Variants in UBXN7 observed in about 807,000 individuals in gnomAD.
UBXN7 encodes UBX domain protein 7.
In UBXN7, 9 loss-of-function variants were observed where a neutral mutation model predicts 58.0. That is an observed-to-expected ratio of 0.16 (90% CI 0.09 to 0.27). UBXN7 has a LOEUF of 0.27. Among genes scored for constraint, UBXN7 ranks in the 10% least tolerant of loss-of-function variants. The pLI, the probability that UBXN7 is intolerant of heterozygous loss-of-function variation, is 1.00. For missense variants in UBXN7, 328 were observed against 599.6 expected (o/e 0.55, Z 4.73); for synonymous variants, 208 against 205.0 (o/e 1.01, Z -0.12).
intron 1 of UBXN7, among the ~76,000 whole-genome samples, chr3:196,420,323 A>G: frequency 6.6e-6 from 1 of 152,084 alleles, no homozygotes; most frequent in East Asian, 1.9e-4. Flanking sequence ...ACCTGAAGTC[A>G]GAAGTTTGAG....
At position 196,382,912 on chromosome 3, in the gene UBXN7, G is replaced by A. The variant is rs553632377; in HGVS notation, c.468+8901C>T. ...AGGCAGATCACGAGGTCAGGAGATC[G>A]AGACCATCCTGGCTAACACGGTGAA... On this transcript the variant is annotated intron_variant, in intron 5 of 10. Transcript: ENST00000296328. Among the ~76,000 whole-genome samples the A allele has an allele frequency of 9.9e-5, 15 of 152,158 alleles. No individual in the cohort carries two copies. The East Asian group carries it at 1.7e-3, about 18-fold the overall frequency.
chr3:196,408,777 T>C (rs989476900), intron 1 of UBXN7, among the ~76,000 whole-genome samples: 2 of 152,208 alleles, frequency 1.3e-5, no homozygotes, highest in African/African-American at 4.8e-5. Flanking sequence ...GGGAAATCAG[T>C]TGCCAGACTA....
At chr3:196,376,545 C>CAAA (rs777458391) in intron 5 of UBXN7, among the ~76,000 whole-genome samples, 6,074 of 50,846 alleles carry the variant, frequency 0.12, 607 homozygotes, top group South Asian at 0.2. Context: ...GACTCTGTCT[C>CAAA]AAAAAAAAAA....
intron 1 of UBXN7, among the ~76,000 whole-genome samples, chr3:196,415,763 A>G (rs1028297251): frequency 6.6e-6 from 1 of 150,774 alleles, no homozygotes; most frequent in Admixed American, 6.6e-5. Flanking sequence ...GCCTGGTGAC[A>G]GAGCGAGACT....
chr3:196,386,513 CAA>C (rs1265328004), intron 5 of UBXN7, among the ~76,000 whole-genome samples: 2 of 151,430 alleles, frequency 1.3e-5, no homozygotes, highest in Admixed American at 1.3e-4. Context: ...GCAACTTCAG[CAA>C]AGTCTTAGGA....
chr3:196,375,859 T>A (rs758088901), intron 5 of UBXN7, among the ~76,000 whole-genome samples: 4 of 152,076 alleles, frequency 2.6e-5, no homozygotes, highest in African/African-American at 4.8e-5. Flanking sequence ...CGAAACCCCA[T>A]CTCTACTAAC....
At position 196,357,429 on chromosome 3, in the gene UBXN7, G is replaced by GGCTAA. The variant is rs573018967; in HGVS notation, c.1309-588_1309-584dup. Among the ~76,000 whole-genome samples the GGCTAA allele has an allele frequency of 4.3e-3, 651 of 152,288 alleles. 20 individuals carry two copies. In the South Asian group the frequency reaches 0.075, roughly 18 times the overall value. ...GCCTGACGCAAGGGATTCATTCACA[G>GGCTAA]GCTAAGCTAAGCTAAGCTAGTCAGA... is the stretch of plus-strand genomic sequence containing the variant. On this transcript the variant is annotated intron_variant, in intron 10 of 10. Transcript: ENST00000296328.
At chr3:196,418,057 G>A (rs1212364947) in intron 1 of UBXN7, among the ~76,000 whole-genome samples, 6 of 152,074 alleles carry the variant, frequency 3.9e-5, no homozygotes, top group Middle Eastern at 3.4e-3. Context: ...TGACCAACAT[G>A]TGAAACCCTG....
intron 10 of UBXN7, among the ~76,000 whole-genome samples, chr3:196,360,387 A>C (rs1316497200): frequency 6.6e-6 from 1 of 152,248 alleles, no homozygotes; most frequent in Non-Finnish European, 1.5e-5. Flanking sequence ...GGGGTAATGC[A>C]GCTGGTGACT....
intron 8 of UBXN7, among the ~76,000 whole-genome samples, chr3:196,367,473 A>G (rs1313906932): frequency 2.0e-5 from 3 of 152,228 alleles, no homozygotes; most frequent in Non-Finnish European, 4.4e-5. Context: ...GCAAAAACAA[A>G]AAACACCACT....
chr3:196,372,155 A>G lies in UBXN7; in HGVS notation c.469-113T>C, dbSNP rs938341042. On this transcript the variant is annotated intron_variant, in intron 5 of 10. Transcript: ENST00000296328. ...ATTAAAAATACTAAGTTTTTGCCAG[A>G]TACGACATCTAGAGTTTTCAGCATT... 11 of 1,188,012 alleles carry G rather than the reference A, an allele frequency of 9.3e-6. No homozygotes were observed. In the East Asian group the frequency reaches 2.1e-4, roughly 22 times the overall value. 73.6% of individuals were successfully genotyped at this position (1,188,012 alleles called of 1,614,324 possible).
intron 8 of UBXN7, among the ~76,000 whole-genome samples, chr3:196,363,253 T>A (rs1391041212): frequency 6.8e-6 from 1 of 147,246 alleles, no homozygotes; most frequent in Non-Finnish European, 1.5e-5. Flanking sequence ...CATACATAAA[T>A]ATATATATAC....
At chr3:196,418,875 T>G (rs906306515) in intron 1 of UBXN7, among the ~76,000 whole-genome samples, 1 of 152,230 alleles carries the variant, frequency 6.6e-6, no homozygotes, top group Non-Finnish European at 1.5e-5. Context: ...AGGGAAAGAC[T>G]ACTTTGCCAT....
rs376409140 is a variant in UBXN7 at position 196,428,383 on chromosome 3, G to A, written c.73+3944C>T. On this transcript the variant is annotated intron_variant, in intron 1 of 10. Coordinates refer to ENST00000296328, the MANE Select transcript of UBXN7 (RefSeq NM_015562.2). ...GCAGGAGAATCACTTGAGCCCAGGCGGTAAGGATGCAGCAAGCTATAATTG... is the reference window on the plus strand; with the variant it reads ...GCAGGAGAATCACTTGAGCCCAGGCAGTAAGGATGCAGCAAGCTATAATTG... 7.1e-4 allele frequency among the ~76,000 whole-genome samples: 108 copies of A among 151,560 alleles called. 3 individuals carry two copies. Among genetic ancestry groups the A allele is most frequent in the East Asian group, 3.9e-3 (20 of 5,156 alleles).
At chr3:196,393,055 C>T (rs1196821561) in intron 4 of UBXN7, among the ~76,000 whole-genome samples, 1 of 152,180 alleles carries the variant, frequency 6.6e-6, no homozygotes, top group Non-Finnish European at 1.5e-5. Context: ...GATTCCATTG[C>T]TAAATCAATA....
chr3:196,430,361 A>AAATAAT lies in UBXN7; in HGVS notation c.73+1960_73+1965dup, dbSNP rs34017536. Among the ~76,000 whole-genome samples, 55 of 150,108 alleles carry AAATAAT rather than the reference A, an allele frequency of 3.7e-4. 1 individual carries two copies. The highest frequency in any genetic ancestry group is 1.1e-3 in the South Asian group (5 of 4,692). ...TGGGCAACACAGCGAGACTGTCTCA[A>AAATAAT]AATAATAATAATAATAATAATAATA... is the stretch of plus-strand genomic sequence containing the variant. On this transcript the variant is annotated intron_variant, in intron 1 of 10. Transcript: ENST00000296328.
chr3:196,423,575 T>C (rs1296962033), intron 1 of UBXN7: 1 of 157,216 alleles, frequency 6.4e-6, no homozygotes, highest in Non-Finnish European at 1.4e-5. Flanking sequence ...AGTGGGGACA[T>C]GGCAGAGGCC....
intron 1 of UBXN7, among the ~76,000 whole-genome samples, chr3:196,430,540 A>G (rs989323840): frequency 3.9e-5 from 6 of 152,092 alleles, no homozygotes; most frequent in African/African-American, 1.2e-4. Context: ...TGTCGGTGCC[A>G]CTACATCCAG....
At chr3:196,410,186 C>T (rs1470282814) in intron 1 of UBXN7, among the ~76,000 whole-genome samples, 3 of 152,094 alleles carry the variant, frequency 2.0e-5, no homozygotes, top group East Asian at 1.9e-4. Flanking sequence ...GTGATCCACC[C>T]GCCTTGGCCT....
Sources: allele counts gnomAD v4.1 joint callset (sites outside exome capture counted in the v4.1 genomes callset), GRCh38; gene constraint gnomAD v4.1.1; transcripts MANE v1.5; gene names NCBI Gene and HGNC (gene_info 2026-07-23, HGNC 2026-07-21).